The following RANBP2 variants were observed in gnomAD, a reference collection of about 807,000 sequenced individuals.
RANBP2 encodes the protein E3 SUMO-protein ligase RanBP2.
A neutral mutation model predicts 303.6 loss-of-function variants in RANBP2; 57 were observed. The observed-to-expected ratio is 0.19, with a 90% confidence interval of 0.15 to 0.23. The LOEUF (loss-of-function observed/expected upper bound fraction) is 0.23. Ranked by LOEUF, RANBP2 falls within the 10% of genes least tolerant of loss-of-function variation. The pLI, the probability that RANBP2 is intolerant of heterozygous loss-of-function variation, is 1.00. For synonymous variants in RANBP2, 1,167 were observed against 1,301.5 expected, an observed-to-expected ratio of 0.90 and a Z score of 2.23; for missense variants, 3,138 against 3,780.8, an observed-to-expected ratio of 0.83 and a Z score of 4.46.
chr2:108,899,806 T>C, the RANBP2 span, among the ~76,000 whole-genome samples: 1 of 152,004 alleles, frequency 6.6e-6, no homozygotes, highest in African/African-American at 2.4e-5. Context: ...GCCAACATGG[T>C]GAAACCCCGT....
chr2:109,283,225 C>T, the RANBP2 span, among the ~76,000 whole-genome samples: 1 of 152,208 alleles, frequency 6.6e-6, no homozygotes, highest in Non-Finnish European at 1.5e-5. Flanking sequence ...CCCAGCCTGG[C>T]AGTCTCCCGC....
At chr2:109,669,411 C>G in the RANBP2 span, among the ~76,000 whole-genome samples, 1 of 152,116 alleles carries the variant, frequency 6.6e-6, no homozygotes, top group Non-Finnish European at 1.5e-5. Flanking sequence ...ACAATATTTT[C>G]AAACTCCCCA....
At chr2:109,111,263 C>T in the RANBP2 span, among the ~76,000 whole-genome samples, 43 of 152,104 alleles carry the variant, frequency 2.8e-4, no homozygotes, top group South Asian at 1.5e-3. Flanking sequence ...CCATTTTTTT[C>T]GAAGCAGAAC....
the RANBP2 span, chr2:108,907,910 G>T: frequency 6.2e-7 from 1 of 1,613,698 alleles, no homozygotes; most frequent in African/African-American, 1.3e-5. Context: ...AGGTGAACCA[G>T]CGACAGCAGG....
rs2149337119 is a variant in RANBP2 at position 108,784,097 on chromosome 2, A to T, written c.*196A>T. ...CATGGTGTGAAATAAAAGTTTAAACACTGGTGTATTTCAGGTGTACTTGTG... is the reference window on the plus strand; with the variant it reads ...CATGGTGTGAAATAAAAGTTTAAACTCTGGTGTATTTCAGGTGTACTTGTG... On this transcript the variant is annotated 3_prime_UTR_variant, in exon 29 of 29. Coordinates refer to ENST00000283195, the MANE Select transcript of RANBP2 (RefSeq NM_006267.5). 1.4e-5 allele frequency: 8 copies of T among 573,244 alleles called. 1 individual carries two copies. In the South Asian group the frequency reaches 1.7e-4, roughly 12 times the overall value. 35.5% of individuals were successfully genotyped at this position (573,244 alleles called of 1,614,324 possible).
the RANBP2 span, among the ~76,000 whole-genome samples, chr2:109,095,405 T>C: frequency 6.6e-6 from 1 of 152,102 alleles, no homozygotes; most frequent in Non-Finnish European, 1.5e-5. Flanking sequence ...CATGGGAATA[T>C]GATTTTTGTT....
chr2:109,398,000 G>T, the RANBP2 span, among the ~76,000 whole-genome samples: 1 of 152,228 alleles, frequency 6.6e-6, no homozygotes, highest in Admixed American at 6.5e-5. Context: ...CCTGGGGTAT[G>T]CTCAGGCCAG....
chr2:108,757,306 G>A (rs1415961255), intron 17 of RANBP2, among the ~76,000 whole-genome samples: 1 of 152,190 alleles, frequency 6.6e-6, no homozygotes, highest in African/African-American at 2.4e-5. Flanking sequence ...TAGCCACATA[G>A]CTACACTAGA....
the RANBP2 span, among the ~76,000 whole-genome samples, chr2:109,256,457 A>G: frequency 2.0e-5 from 3 of 151,392 alleles, no homozygotes; most frequent in African/African-American, 7.4e-5. Flanking sequence ...CAGGGAGACG[A>G]GTGCTCTCTC....
the RANBP2 span, among the ~76,000 whole-genome samples, chr2:109,375,542 C>T: frequency 6.6e-6 from 1 of 152,212 alleles, no homozygotes; most frequent in African/African-American, 2.4e-5. Flanking sequence ...CCTTCTGGGT[C>T]TTTAGCCCTT....
chr2:109,544,103 A>G, the RANBP2 span: 2 of 1,485,610 alleles, frequency 1.3e-6, no homozygotes, highest in Non-Finnish European at 1.8e-6. Context: ...TTTGAATTAG[A>G]GATGCTCAAC....
the RANBP2 span, among the ~76,000 whole-genome samples, chr2:108,976,622 G>A: frequency 2.0e-5 from 3 of 152,152 alleles, no homozygotes; most frequent in South Asian, 2.1e-4. Context: ...TCTCTGTTAT[G>A]TATTTGTCCA....
chr2:108,783,820 T>C lies in RANBP2; in HGVS notation c.9594T>C (p.Thr3198=), dbSNP rs377466336. ...GGTTTGTTAAGGATGGCATGGATAC[T>C]GTGAAAAAGATTGAATCATTTGGTT... ...VFGFVKDGMD[T]VKKIESFGSP... The change falls in exon 29 of 29, where the codon ACT becomes ACC. Residue 3198 remains threonine, a synonymous_variant. Coordinates refer to ENST00000283195, the MANE Select transcript of RANBP2 (RefSeq NM_006267.5). 1.9e-6 allele frequency: 3 copies of C among 1,612,844 alleles called. No homozygotes were observed. The highest frequency in any genetic ancestry group is 1.3e-5 in the African/African-American group (1 of 75,040).
At chr2:109,495,189 G>C in the RANBP2 span, among the ~76,000 whole-genome samples, 2 of 152,210 alleles carry the variant, frequency 1.3e-5, no homozygotes, top group African/African-American at 4.8e-5. Flanking sequence ...TCCAGAAGTT[G>C]CTTGTGGAAC....
downstream of RANBP2, chr2:108,788,676 C>T (rs534651748): frequency 7.4e-4 from 292 of 392,670 alleles, no homozygotes; most frequent in Non-Finnish European, 9.5e-4. Context: ...GCCGAGATTG[C>T]GCCACTGCAC....
At chr2:109,204,936 G>A in the RANBP2 span, among the ~76,000 whole-genome samples, 29 of 152,332 alleles carry the variant, frequency 1.9e-4, no homozygotes, top group East Asian at 3.9e-3. Context: ...GGGTGGGCAT[G>A]GTGGCTCATG....
the RANBP2 span, among the ~76,000 whole-genome samples, chr2:109,475,010 G>A: frequency 2.0e-5 from 3 of 151,956 alleles, no homozygotes; most frequent in Middle Eastern, 3.2e-3. Flanking sequence ...ACGGAGTCTC[G>A]CTGTGTCACC....
At chr2:108,910,751 T>A in the RANBP2 span, 1 of 1,611,430 alleles carries the variant, frequency 6.2e-7, no homozygotes, top group East Asian at 2.2e-5. Flanking sequence ...GTGCACATGG[T>A]GTGTGGAAGC....
At chr2:109,034,270 C>CAAAAA in the RANBP2 span, among the ~76,000 whole-genome samples, 4 of 38,106 alleles carry the variant, frequency 1.0e-4, no homozygotes, top group African/African-American at 4.0e-4. Context: ...GACTCCATCT[C>CAAAAA]AAAAAAAAAA....
Sources: allele counts gnomAD v4.1 joint callset (sites outside exome capture counted in the v4.1 genomes callset), GRCh38; gene constraint gnomAD v4.1.1; transcripts MANE v1.5; gene names NCBI Gene and HGNC (gene_info 2026-07-23, HGNC 2026-07-21).